NUP50: variants seen among roughly 807,000 people sequenced by gnomAD.
The protein encoded by NUP50 is nucleoporin 50, also known as nuclear pore complex protein Nup50.
In NUP50, 14 loss-of-function variants were observed where a neutral mutation model predicts 36.8. The ratio of observed to expected loss-of-function variants is 0.38; its 90% CI spans 0.25 to 0.59. The LOEUF (loss-of-function observed/expected upper bound fraction) is 0.59, where lower values mean the gene tolerates loss of function less well. Ranked by LOEUF, NUP50 falls within the 20% of genes least tolerant of loss-of-function variation. NUP50 has a pLI of 0.63. For synonymous variants in NUP50, 195 were observed against 210.8 expected (o/e 0.93, Z 0.65); for missense variants, 455 against 564.6 (o/e 0.81, Z 1.97).
chr22:45,185,582 CGT>C lies in NUP50; in HGVS notation c.*931_*932del, dbSNP rs2074456880. ...TGCCTGGGAGCTTTGACACACGAGC[CGT>C]GTGAATTCACTAGGAAACATGTAAT... On this transcript the variant is annotated 3_prime_UTR_variant, in exon 8 of 8. Coordinates refer to ENST00000347635, the MANE Select transcript of NUP50 (RefSeq NM_007172.4). The C allele has an allele frequency of 6.6e-6, 1 of 152,054 alleles. No individual in the cohort carries two copies. The highest frequency in any genetic ancestry group is 6.6e-5 in the Admixed American group (1 of 15,254). 9.4% of individuals were successfully genotyped at this position (152,054 alleles called of 1,614,324 possible).
chr22:45,173,147 G>A (rs531163625), intron 3 of NUP50, among the ~76,000 whole-genome samples: 1 of 152,274 alleles, frequency 6.6e-6, no homozygotes, highest in South Asian at 2.1e-4. Context: ...TAGGTACAGA[G>A]GAAGCATATC....
In NUP50 at chr22:45,187,506, GT is replaced by G. The variant is rs2147720310; in HGVS notation, c.*2855del. 6.6e-6 allele frequency: 1 copy of G among 151,892 alleles called. No homozygotes were observed. Among genetic ancestry groups the G allele is most frequent in the South Asian group, 2.1e-4 (1 of 4,812 alleles). The allele number at this position is 151,892 out of a possible 1,614,324, so 9.4% of individuals were successfully genotyped here. A position where few individuals can be genotyped will look rare whatever the true frequency, so the allele number is the denominator to read the frequency against. ...ACCTTACTAGTAGAGTTCAAAACAA[GT>G]TTTCACTGAGAGCCTTTTCAGTAAA... On this transcript the variant is annotated 3_prime_UTR_variant, in exon 8 of 8. Transcript: ENST00000347635.
intron 3 of NUP50, among the ~76,000 whole-genome samples, chr22:45,175,636 C>T (rs992525114): frequency 6.6e-6 from 1 of 152,106 alleles, no homozygotes; most frequent in Non-Finnish European, 1.5e-5. Context: ...CCTTTTATGT[C>T]CTAAAAATAC....
Position 45,186,685 on chromosome 22 carries a change from T to G in NUP50, c.*2030T>G, listed in dbSNP as rs1733543966. ...AAATTAGTAGGTATGTGTGGCTTCC[T>G]TTTTTCCTAACATTCCCAGCAAATT... On this transcript the variant is annotated 3_prime_UTR_variant, in exon 8 of 8. Transcript: ENST00000347635. 6.5e-6 allele frequency: 1 copy of G among 152,684 alleles called. No individual in the cohort carries two copies. The highest frequency in any genetic ancestry group is 6.5e-5 in the Admixed American group (1 of 15,286). 9.5% of individuals were successfully genotyped at this position (152,684 alleles called of 1,614,324 possible).
chr22:45,177,062 G>A (rs2074287638), intron 4 of NUP50, among the ~76,000 whole-genome samples: 1 of 152,080 alleles, frequency 6.6e-6, no homozygotes, highest in Non-Finnish European at 1.5e-5. Flanking sequence ...TTTAACTACA[G>A]CCATCCCCTA....
chr22:45,164,584 G>T (rs2074063968), intron 1 of NUP50: 1 of 152,832 alleles, frequency 6.5e-6, no homozygotes, highest in South Asian at 1.8e-4. Flanking sequence ...TCTAGGGAGG[G>T]AGCCTGGGTC....
At chr22:45,180,479 TC>T (rs1338439531) in intron 5 of NUP50, among the ~76,000 whole-genome samples, 7 of 152,086 alleles carry the variant, frequency 4.6e-5, no homozygotes, top group Non-Finnish European at 8.8e-5. Context: ...GGTGAAGCAA[TC>T]CTCCCACTTC....
chr22:45,168,223 G>T lies in NUP50; in HGVS notation c.46G>T (p.Asp16Tyr). 6.2e-7 allele frequency: 1 copy of T among 1,611,604 alleles called. No individual in the cohort carries two copies. The highest frequency in any genetic ancestry group is 8.5e-7 in the Non-Finnish European group (1 of 1,179,246). Residue 16 changes from aspartate to tyrosine, a missense_variant, in exon 2 of 8, where the codon GAT becomes TAT. Around this residue, in one of 3 missense-constraint regions of NUP50, gnomAD observed 166 missense variants for 202.8 expected, o/e 0.82. Coordinates refer to ENST00000347635, the MANE Select transcript of NUP50 (RefSeq NM_007172.4). ...AEKELTDRNW[D>Y]QEDEAEEVGT... The stretch of plus-strand genomic sequence containing the variant: ...GAAGGAACTGACAGATAGGAATTGG[G>T]ATCAAGAAGATGAAGCTGAAGAGGT...
chr22:45,176,889 G>A (rs1003745109), intron 4 of NUP50, among the ~76,000 whole-genome samples: 1 of 151,830 alleles, frequency 6.6e-6, no homozygotes, highest in Non-Finnish European at 1.5e-5. Context: ...CTACAGGCAT[G>A]CACCACCATG....
At chr22:45,184,366 C>A in intron 7 of NUP50, 87 bp from the exon 8 acceptor site, 1 of 1,196,428 alleles carries the variant, frequency 8.4e-7, no homozygotes, top group Admixed American at 1.9e-5. Context: ...TAAGTTATTT[C>A]AGCATTTAAT....
intron 1 of NUP50, among the ~76,000 whole-genome samples, chr22:45,167,865 AAAATC>A (rs1479879778): frequency 6.6e-6 from 1 of 152,202 alleles, no homozygotes; most frequent in East Asian, 1.9e-4. Context: ...AGATTTTTAA[AAAATC>A]AATTGATATT....
At chr22:45,182,766 A>G (rs548036298) in intron 6 of NUP50, among the ~76,000 whole-genome samples, 67 of 151,248 alleles carry the variant, frequency 4.4e-4, no homozygotes, top group African/African-American at 1.6e-3. Flanking sequence ...CTGGGACTAC[A>G]GGTGCCCGCC....
In NUP50 at chr22:45,184,735, C is replaced by T. The variant is rs1413438170; in HGVS notation, c.*80C>T. On this transcript the variant is annotated 3_prime_UTR_variant, in exon 8 of 8. Coordinates refer to ENST00000347635, the MANE Select transcript of NUP50 (RefSeq NM_007172.4). ...CTTAAAGTTAGTCAGTTTTTCTTCT[C>T]TTCTTTGACATTCTAAGAACTTATA... 2.9e-6 allele frequency: 3 copies of T among 1,033,772 alleles called. No individual in the cohort carries two copies. Among genetic ancestry groups the T allele is most frequent in the African/African-American group, 3.2e-5 (2 of 63,310 alleles). The allele number at this position is 1,033,772 out of a possible 1,614,324, so 64.0% of individuals were successfully genotyped here. A position where few individuals can be genotyped will look rare whatever the true frequency, so the allele number is the denominator to read the frequency against.
chr22:45,178,503 G>C lies in NUP50; in HGVS notation c.606G>C (p.Gly202=), dbSNP rs773509245. 5.0e-6 allele frequency: 8 copies of C among 1,612,094 alleles called. No homozygotes were observed. Among genetic ancestry groups the C allele is most frequent in the Non-Finnish European group, 6.8e-6 (8 of 1,179,874 alleles). Reference sequence around the variant, plus strand: ...TAGCAAACATTGAACAGCAACACGGGAACAGTGGCAGGAATTCTGAAAGTG... The same window carrying C: ...TAGCAAACATTGAACAGCAACACGGCAACAGTGGCAGGAATTCTGAAAGTG... ...KYLANIEQQH[G]NSGRNSESES... is the part of the protein sequence containing the mutation. Residue 202 remains glycine, a synonymous_variant, in exon 5 of 8, where the codon GGG becomes GGC. Transcript: ENST00000347635.
rs2074450736 is a variant in NUP50 at position 45,185,192 on chromosome 22, GAGTACTA to G, written c.*541_*547del. 6.1e-6 allele frequency: 1 copy of G among 164,146 alleles called. No individual in the cohort carries two copies. Among genetic ancestry groups the G allele is most frequent in the Admixed American group, 5.7e-5 (1 of 17,672 alleles). The allele number at this position is 164,146 out of a possible 1,614,324, so 10.2% of individuals were successfully genotyped here. ...TATTTTTACTTTGAAGCTCAAATGC[GAGTACTA>G]AGTGTTCACCTCAGCGTTCGAATCA... On this transcript the variant is annotated 3_prime_UTR_variant, in exon 8 of 8. Coordinates refer to ENST00000347635, the MANE Select transcript of NUP50 (RefSeq NM_007172.4).
rs1268828940 is a variant in NUP50 at position 45,185,619 on chromosome 22, GA to G, written c.*966del. On this transcript the variant is annotated 3_prime_UTR_variant, in exon 8 of 8. Coordinates refer to ENST00000347635, the MANE Select transcript of NUP50 (RefSeq NM_007172.4). ...CTAGGAAACATGTAATAAAGTCATG[GA>G]AGAGAAAATCGTGTGTAAACTTTGC... 6.6e-6 allele frequency: 1 copy of G among 152,198 alleles called. No individual in the cohort carries two copies. The highest frequency in any genetic ancestry group is 1.9e-4 in the East Asian group (1 of 5,202). The allele number at this position is 152,198 out of a possible 1,614,324, so 9.4% of individuals were successfully genotyped here. A position where few individuals can be genotyped will look rare whatever the true frequency, so the allele number is the denominator to read the frequency against.
At chr22:45,170,331 C>A (rs190551219) in intron 2 of NUP50, among the ~76,000 whole-genome samples, 1 of 143,700 alleles carries the variant, frequency 7.0e-6, no homozygotes, top group African/African-American at 2.6e-5. Context: ...TTTCCCCCTT[C>A]GAGGAGAACA....
intron 3 of NUP50, among the ~76,000 whole-genome samples, chr22:45,172,857 T>C (rs2074217678): frequency 6.6e-6 from 1 of 152,178 alleles, no homozygotes; most frequent in South Asian, 2.1e-4. Context: ...ATTCAAATTA[T>C]AAAAATAAAG....
intron 7 of NUP50, chr22:45,184,091 TTG>T: frequency 3.9e-6 from 1 of 258,324 alleles, no homozygotes; most frequent in Non-Finnish European, 7.5e-6. Flanking sequence ...GAGGTGTCCT[TTG>T]TCCGTGTGGC....
Sources: allele counts gnomAD v4.1 joint callset (sites outside exome capture counted in the v4.1 genomes callset), GRCh38; gene constraint gnomAD v4.1.1; regional missense constraint gnomAD v4.1.1; transcripts MANE v1.5; gene names NCBI Gene and HGNC (gene_info 2026-07-23, HGNC 2026-07-21).